PDE7A: variants seen among roughly 807,000 people sequenced by gnomAD.
PDE7A encodes the protein phosphodiesterase 7A, also known as high affinity 3',5'-cyclic-AMP phosphodiesterase 7A.
Under a neutral mutation model 64.3 loss-of-function variants are expected in PDE7A, and 39 were observed. That is an observed-to-expected ratio of 0.61 (90% CI 0.47 to 0.79). The LOEUF is 0.79. Ranked by LOEUF, PDE7A falls within the 30% of genes least tolerant of loss-of-function variation. The probability of loss-of-function intolerance (pLI) is 0.00; values close to 1 mark genes in which losing one functional copy is unlikely to be tolerated. For synonymous variants in PDE7A, 203 were observed against 206.8 expected (o/e 0.98, Z 0.16); for missense variants, 470 against 582.8 (o/e 0.81, Z 1.99).
At chr8:65,748,044 T>C (rs548242894) in intron 3 of PDE7A, among the ~76,000 whole-genome samples, 51 of 152,216 alleles carry the variant, frequency 3.4e-4, no homozygotes, top group African/African-American at 1.2e-3. Context: ...ATGGCCAATT[T>C]TGACAGCATT....
At chr8:65,737,016 G>A (rs1266074443) in intron 6 of PDE7A, among the ~76,000 whole-genome samples, 1 of 151,282 alleles carries the variant, frequency 6.6e-6, no homozygotes. Context: ...GATGAGGTGG[G>A]AGGCTGGCTG....
intron 7 of PDE7A, among the ~76,000 whole-genome samples, chr8:65,732,456 A>C (rs1806936784): frequency 6.6e-6 from 1 of 152,238 alleles, no homozygotes; most frequent in African/African-American, 2.4e-5. Context: ...GCAGATGCTC[A>C]AAGAGTATAA....
chr8:65,831,408 A>G (rs1198248837), intron 1 of PDE7A, among the ~76,000 whole-genome samples: 1 of 152,120 alleles, frequency 6.6e-6, no homozygotes, highest in Non-Finnish European at 1.5e-5. Context: ...TTCCAAACTA[A>G]AACAGTAGGA....
chr8:65,807,246 A>G (rs1810133819), intron 1 of PDE7A, among the ~76,000 whole-genome samples: 1 of 151,970 alleles, frequency 6.6e-6, no homozygotes, highest in Non-Finnish European at 1.5e-5. Context: ...TACACTTTGC[A>G]CTCCCTTTGT....
At chr8:65,817,188 T>C (rs1411658695) in intron 1 of PDE7A, among the ~76,000 whole-genome samples, 1 of 152,182 alleles carries the variant, frequency 6.6e-6, no homozygotes, top group Non-Finnish European at 1.5e-5. Flanking sequence ...AATAAATTAT[T>C]TACAGAAAAG....
chr8:65,767,946 T>C (rs1443522785), intron 3 of PDE7A, among the ~76,000 whole-genome samples: 1 of 152,192 alleles, frequency 6.6e-6, no homozygotes, highest in African/African-American at 2.4e-5. Flanking sequence ...AGGCCAGGAC[T>C]TGTGACTGGT....
At chr8:65,740,354 T>G (rs934821676) in intron 5 of PDE7A, among the ~76,000 whole-genome samples, 2 of 152,112 alleles carry the variant, frequency 1.3e-5, no homozygotes, top group African/African-American at 4.8e-5. Context: ...CACCCCCTCA[T>G]TCTCCACAGC....
rs114369133 is a variant in PDE7A, at chr8:65,764,686, C to T, written c.283+15034G>A. On this transcript the variant is annotated intron_variant, in intron 3 of 12. Coordinates refer to ENST00000401827, the MANE Select transcript of PDE7A (RefSeq NM_001242318.3). ...ATAAACTAAGACAATATAATCAGTA[C>T]GATATGAGCTTTTAAGAAACATCTT... Among the ~76,000 whole-genome samples, 1,064 of 152,146 alleles carry T rather than the reference C, an allele frequency of 7.0e-3. 14 individuals carry two copies. The highest frequency in any genetic ancestry group is 0.024 in the African/African-American group (1,010 of 41,510).
At chr8:65,736,826 A>C (rs1807159334) in intron 6 of PDE7A, among the ~76,000 whole-genome samples, 1 of 150,558 alleles carries the variant, frequency 6.6e-6, no homozygotes, top group South Asian at 2.1e-4. Context: ...TCTAAGTAGA[A>C]GTCTGAAGTC....
intron 1 of PDE7A, among the ~76,000 whole-genome samples, chr8:65,825,272 G>C (rs958579097): frequency 6.6e-6 from 1 of 152,004 alleles, no homozygotes; most frequent in East Asian, 1.9e-4. Flanking sequence ...AAAAAATTCA[G>C]GTTACTTTTT....
chr8:65,832,058 T>C (rs1810839992), intron 1 of PDE7A, among the ~76,000 whole-genome samples: 1 of 152,234 alleles, frequency 6.6e-6, no homozygotes, highest in Admixed American at 6.5e-5. Context: ...TATTTGTTTT[T>C]TAAACACAAT....
At chr8:65,828,246 C>T (rs1007080127) in intron 1 of PDE7A, among the ~76,000 whole-genome samples, 1 of 152,064 alleles carries the variant, frequency 6.6e-6, no homozygotes, top group Non-Finnish European at 1.5e-5. Context: ...GAATAACCTT[C>T]CAGATTTGGA....
At chr8:65,836,510 A>G (rs1810956025) in intron 1 of PDE7A, among the ~76,000 whole-genome samples, 1 of 152,234 alleles carries the variant, frequency 6.6e-6, no homozygotes, top group Non-Finnish European at 1.5e-5. Context: ...GTGAATTTCA[A>G]AAGATGTTCT....
At chr8:65,736,513 G>A (rs921845513) in intron 6 of PDE7A, among the ~76,000 whole-genome samples, 3 of 152,140 alleles carry the variant, frequency 2.0e-5, no homozygotes, top group African/African-American at 4.8e-5. Flanking sequence ...AGCACTTTGG[G>A]AGGCTGAGGC....
At chr8:65,723,735 T>G in intron 11 of PDE7A, 114 bp from the exon 12 acceptor site, 1 of 667,522 alleles carries the variant, frequency 1.5e-6, no homozygotes, top group Non-Finnish European at 2.3e-6. Flanking sequence ...TTAATCCTCA[T>G]GAGAGGACAG....
intron 7 of PDE7A, among the ~76,000 whole-genome samples, chr8:65,734,154 C>CTTGTT (rs1215024936): frequency 2.0e-5 from 3 of 152,130 alleles, no homozygotes; most frequent in African/African-American, 7.2e-5. Flanking sequence ...ACAAGCCTTA[C>CTTGTT]CCCCAAAACT....
chr8:65,831,139 T>C (rs1414581546), intron 1 of PDE7A, among the ~76,000 whole-genome samples: 2 of 152,138 alleles, frequency 1.3e-5, no homozygotes, highest in Non-Finnish European at 2.9e-5. Flanking sequence ...TTTTTTGTTG[T>C]TCAAGTTCTT....
At chr8:65,839,244 T>C (rs959851830) in intron 1 of PDE7A, among the ~76,000 whole-genome samples, 7 of 152,104 alleles carry the variant, frequency 4.6e-5, no homozygotes, top group Non-Finnish European at 1.0e-4. Context: ...GGGTTTTTTT[T>C]CCTAAGTATC....
chr8:65,783,532 A>G (rs551758543), intron 1 of PDE7A, among the ~76,000 whole-genome samples: 78 of 152,096 alleles, frequency 5.1e-4, no homozygotes, highest in African/African-American at 1.7e-3. Flanking sequence ...ACAAAGCATC[A>G]TCTCTTCAGA....
Sources: gnomAD v4.1 joint callset for allele counts (sites outside exome capture counted in the v4.1 genomes callset) on GRCh38, gnomAD v4.1.1 for gene constraint, MANE v1.5 for transcripts, NCBI Gene and HGNC (gene_info 2026-07-23, HGNC 2026-07-21) for gene names.